The following TTC3 variants were observed in gnomAD, a reference collection of about 807,000 sequenced individuals.
The protein encoded by TTC3 is E3 ubiquitin-protein ligase TTC3.
Under a neutral mutation model 249.6 loss-of-function variants are expected in TTC3, and 180 were observed. That is an observed-to-expected ratio of 0.72 (90% CI 0.64 to 0.82). TTC3 has a LOEUF of 0.82. TTC3 is among the 40% of genes least tolerant of loss of function. The probability of loss-of-function intolerance (pLI) is 0.00; values close to 1 mark genes in which losing one functional copy is unlikely to be tolerated. For synonymous variants in TTC3, 717 were observed against 805.0 expected (o/e 0.89, Z 1.85); for missense variants, 2,061 against 2,398.4 (o/e 0.86, Z 2.94).
intron 41 of TTC3, among the ~76,000 whole-genome samples, chr21:37,193,087 G>C (rs1212699444): frequency 6.6e-6 from 1 of 152,198 alleles, no homozygotes; most frequent in Non-Finnish European, 1.5e-5. Context: ...TGGCAGGACA[G>C]TGAAATCTTC....
intron 35 of TTC3, among the ~76,000 whole-genome samples, chr21:37,180,767 A>G (rs1350403487): frequency 6.6e-6 from 1 of 152,046 alleles, no homozygotes; most frequent in Non-Finnish European, 1.5e-5. Context: ...TAATAAAAAA[A>G]AATGGCTTTA....
At chr21:37,144,250 AT>A (rs946245390) in intron 20 of TTC3, among the ~76,000 whole-genome samples, 7 of 149,442 alleles carry the variant, frequency 4.7e-5, no homozygotes, top group South Asian at 2.1e-4. Context: ...AATAAAAAAA[AT>A]ATATATATAT....
chr21:37,088,755 A>G (rs372741268), intron 4 of TTC3, 44 bp from the exon 5 acceptor site: 67 of 1,528,160 alleles, frequency 4.4e-5, no homozygotes, highest in Non-Finnish European at 3.9e-5. Context: ...ATGAATTTGT[A>G]TATATGAGAA....
At chr21:37,147,151 T>A (rs2079049739) in intron 21 of TTC3, among the ~76,000 whole-genome samples, 1 of 152,196 alleles carries the variant, frequency 6.6e-6, no homozygotes, top group African/African-American at 2.4e-5. Flanking sequence ...TCTGCCTTAC[T>A]TGACTTCCTC....
At chr21:37,162,279 AC>A (rs2080830180) in intron 31 of TTC3, among the ~76,000 whole-genome samples, 1 of 152,234 alleles carries the variant, frequency 6.6e-6, no homozygotes. Flanking sequence ...TAAAGTCACG[AC>A]ACTGGTGACA....
At chr21:37,197,621 A>C (rs1178596786) in exon 43 of TTC3, 2 of 1,612,158 alleles carry the variant, frequency 1.2e-6, no homozygotes, top group Non-Finnish European at 8.5e-7. Context: ...ACAAGAACTC[A>C]CTCTCAGGAT....
At chr21:37,188,196 T>C (rs892102930) in intron 38 of TTC3, 1 of 251,466 alleles carries the variant, frequency 4.0e-6, no homozygotes, top group Non-Finnish European at 7.9e-6. Flanking sequence ...CACACTCGTG[T>C]ACACATGCAG....
At chr21:37,089,732 T>G (rs550315925) in intron 5 of TTC3, among the ~76,000 whole-genome samples, 22 of 152,106 alleles carry the variant, frequency 1.4e-4, no homozygotes, top group Non-Finnish European at 2.6e-4. Flanking sequence ...CAGGCTGGTC[T>G]CGAACTCCTG....
chr21:37,167,498 C>T, intron 33 of TTC3, 57 bp from the exon 34 acceptor site: 2 of 1,365,348 alleles, frequency 1.5e-6, no homozygotes, highest in South Asian at 2.5e-5. Context: ...ACTTGATGGG[C>T]TTATTTTACT....
At chr21:37,117,174 A>G (rs1397147766) in intron 11 of TTC3, among the ~76,000 whole-genome samples, 1 of 152,180 alleles carries the variant, frequency 6.6e-6, no homozygotes, top group Non-Finnish European at 1.5e-5. Flanking sequence ...TTTTCCCCCA[A>G]ATTGTGATTC....
exon 41 of TTC3, chr21:37,192,173 A>C: frequency 6.2e-7 from 1 of 1,610,818 alleles, no homozygotes; most frequent in Non-Finnish European, 8.5e-7. Flanking sequence ...GAACTTTCTA[A>C]AGTGCAGATT....
chr21:37,151,559 C>T (rs965167479), intron 25 of TTC3, among the ~76,000 whole-genome samples: 12 of 152,114 alleles, frequency 7.9e-5, no homozygotes, highest in African/African-American at 2.6e-4. Context: ...TACTATGGGA[C>T]CTTTCTTAGA....
chr21:37,198,591 T>C (rs1225035146), intron 44 of TTC3, among the ~76,000 whole-genome samples: 1 of 152,230 alleles, frequency 6.6e-6, no homozygotes, highest in Non-Finnish European at 1.5e-5. Context: ...AAGAAAAATA[T>C]GTGTTCAAAC....
chr21:37,130,948 A>G (rs2077423815), intron 16 of TTC3, among the ~76,000 whole-genome samples: 1 of 152,326 alleles, frequency 6.6e-6, no homozygotes, highest in South Asian at 2.1e-4. Context: ...CAAAGGGGAT[A>G]TGTAATTTTA....
At chr21:37,091,513 TA>T (rs1210472207) in intron 7 of TTC3, 100 bp downstream of exon 7, 2 of 1,029,816 alleles carry the variant, frequency 1.9e-6, no homozygotes, top group Middle Eastern at 2.3e-4. Context: ...TCTTAGAATT[TA>T]AAAAAAGTTT....
chr21:37,178,466 C>T (rs1007396914), intron 35 of TTC3, among the ~76,000 whole-genome samples: 2 of 152,138 alleles, frequency 1.3e-5, no homozygotes, highest in Non-Finnish European at 2.9e-5. Flanking sequence ...CACTTATCAT[C>T]GTTTGTCTTT....
intron 23 of TTC3, among the ~76,000 whole-genome samples, chr21:37,149,117 T>G (rs2079237148): frequency 6.6e-6 from 1 of 152,222 alleles, no homozygotes; most frequent in African/African-American, 2.4e-5. Flanking sequence ...AATTTTAAAC[T>G]GCCATTTCTC....
At chr21:37,079,286 A>ACCTTTCTAC (rs2071293623) in intron 1 of TTC3, among the ~76,000 whole-genome samples, 1 of 152,108 alleles carries the variant, frequency 6.6e-6, no homozygotes, top group African/African-American at 2.4e-5. Context: ...ACCATGAGTT[A>ACCTTTCTAC]GAGAATAGTT....
At chr21:37,129,919 G>A (rs1293342520) in intron 16 of TTC3, among the ~76,000 whole-genome samples, 2 of 152,208 alleles carry the variant, frequency 1.3e-5, no homozygotes, top group Non-Finnish European at 2.9e-5. Context: ...TGCTGGGATT[G>A]CAGGCGTGTG....
Sources: allele counts gnomAD v4.1 joint callset (sites outside exome capture counted in the v4.1 genomes callset), GRCh38; gene constraint gnomAD v4.1.1; transcripts MANE v1.5; gene names NCBI Gene and HGNC (gene_info 2026-07-23, HGNC 2026-07-21).